The following ANXA11 variants were observed in gnomAD, a reference collection of about 807,000 sequenced individuals.
ANXA11 encodes annexin A11.
Under a neutral mutation model 64.7 loss-of-function variants are expected in ANXA11, and 57 were observed. The ratio of observed to expected loss-of-function variants is 0.88; its 90% CI spans 0.71 to 1.10. The LOEUF is 1.10. Ranked by LOEUF, ANXA11 falls within the 50% of genes least tolerant of loss-of-function variation. The pLI, the probability that ANXA11 is intolerant of heterozygous loss-of-function variation, is 0.00. For missense variants in ANXA11, 675 were observed against 670.7 expected, an observed-to-expected ratio of 1.01 and a Z score of -0.07; for synonymous variants, 260 against 265.2, an observed-to-expected ratio of 0.98 and a Z score of 0.19.
intron 1 of ANXA11, among the ~76,000 whole-genome samples, chr10:80,180,373 T>C (rs574634396): frequency 2.0e-5 from 3 of 152,182 alleles, no homozygotes; most frequent in Non-Finnish European, 4.4e-5. Flanking sequence ...GAGGGGTGGA[T>C]GGTGTCAGTG....
At chr10:80,177,874 C>A (rs950541994) in intron 1 of ANXA11, among the ~76,000 whole-genome samples, 3 of 152,184 alleles carry the variant, frequency 2.0e-5, no homozygotes. Flanking sequence ...CCAGCGCTGA[C>A]CAATCTCCCC....
rs1357003279 is a variant in ANXA11 at position 80,164,042 on chromosome 10, A to G, written c.949+11T>C. 2.2e-5 allele frequency: 35 copies of G among 1,611,734 alleles called. No individual in the cohort carries two copies. The highest frequency in any genetic ancestry group is 3.0e-5 in the Non-Finnish European group (35 of 1,178,112). On this transcript the variant is annotated intron_variant, in intron 9 of 15. Coordinates refer to ENST00000422982, the MANE Select transcript of ANXA11 (RefSeq NM_145868.2). ...AGGGCAGAGGGCAGAGGGCAGAGGG[A>G]GCGGCCTCACCTGCTTTGTAGGCTC...
At chr10:80,196,631 G>C (rs1190654428) in intron 1 of ANXA11, among the ~76,000 whole-genome samples, 1 of 152,156 alleles carries the variant, frequency 6.6e-6, no homozygotes, top group Non-Finnish European at 1.5e-5. Flanking sequence ...GCACTCCAGA[G>C]CCCCAATGTC....
At chr10:80,158,462 T>A (rs1845368154) in intron 13 of ANXA11, among the ~76,000 whole-genome samples, 1 of 152,026 alleles carries the variant, frequency 6.6e-6, no homozygotes, top group African/African-American at 2.4e-5. Context: ...AGACCTACTA[T>A]GGGGGACAGG....
intron 2 of ANXA11, chr10:80,173,157 C>T: frequency 4.7e-6 from 2 of 428,196 alleles, no homozygotes; most frequent in Non-Finnish European, 8.5e-6. Context: ...GAAAGGCCCT[C>T]TCACTGAAGC....
chr10:80,202,425 T>C (rs1840472724), intron 1 of ANXA11, among the ~76,000 whole-genome samples: 1 of 152,178 alleles, frequency 6.6e-6, no homozygotes, highest in Admixed American at 6.5e-5. Context: ...TTATAGGAGA[T>C]AGGGTCAGTA....
At chr10:80,169,797 G>T (rs1211689566) in intron 4 of ANXA11, among the ~76,000 whole-genome samples, 3 of 152,140 alleles carry the variant, frequency 2.0e-5, no homozygotes, top group African/African-American at 4.8e-5. Flanking sequence ...AAATCCTTAG[G>T]ATGGATAGCC....
intron 14 of ANXA11, 29 bp downstream of exon 14, chr10:80,157,938 A>C (rs1341711803): frequency 6.2e-7 from 1 of 1,611,492 alleles, no homozygotes; most frequent in Non-Finnish European, 8.5e-7. Context: ...CTAAGGTTCC[A>C]TCGCAACCTG....
intron 1 of ANXA11, among the ~76,000 whole-genome samples, chr10:80,176,791 G>A (rs11591611): frequency 0.2 from 30,216 of 152,072 alleles, 3,323 homozygotes; most frequent in Non-Finnish European, 0.25. Context: ...GTCAAAATCT[G>A]CCTCCTGGCT....
intron 12 of ANXA11, among the ~76,000 whole-genome samples, chr10:80,161,075 C>A (rs1338983018): frequency 6.6e-6 from 1 of 152,174 alleles, no homozygotes; most frequent in Non-Finnish European, 1.5e-5. Context: ...CTCGGCACCA[C>A]AGCCAGGGAT....
intron 3 of ANXA11, chr10:80,171,624 A>G (rs558512888): frequency 1.0e-6 from 1 of 985,432 alleles, no homozygotes; most frequent in South Asian, 4.7e-5. Context: ...TGCAGGGCTC[A>G]GCTGGGTGCC....
intron 1 of ANXA11, among the ~76,000 whole-genome samples, chr10:80,182,759 ACT>A (rs1344615534): frequency 2.6e-5 from 4 of 152,072 alleles, no homozygotes; most frequent in Non-Finnish European, 5.9e-5. Flanking sequence ...GCATCTGCAA[ACT>A]CTCTTCACTC....
intron 2 of ANXA11, among the ~76,000 whole-genome samples, chr10:80,174,815 C>G (rs182690786): frequency 3.8e-4 from 58 of 152,320 alleles, no homozygotes; most frequent in African/African-American, 1.3e-3. Flanking sequence ...CTGCGGCCTC[C>G]CACAGTGCTG....
intron 5 of ANXA11, among the ~76,000 whole-genome samples, chr10:80,168,739 T>G (rs1226058968): frequency 6.6e-6 from 1 of 152,046 alleles, no homozygotes; most frequent in Non-Finnish European, 1.5e-5. Context: ...GTTTCACCAT[T>G]TCGCCCAGGT....
intron 1 of ANXA11, among the ~76,000 whole-genome samples, chr10:80,180,615 T>G (rs983122090): frequency 6.6e-6 from 1 of 151,150 alleles, no homozygotes; most frequent in African/African-American, 2.4e-5. Flanking sequence ...TTCCCCAGTC[T>G]GGTGGCTGGA....
At chr10:80,201,266 C>T (rs1564630133) in intron 1 of ANXA11, among the ~76,000 whole-genome samples, 1 of 152,154 alleles carries the variant, frequency 6.6e-6, no homozygotes, top group Non-Finnish European at 1.5e-5. Flanking sequence ...CACCCTGGCC[C>T]CTGGGATACA....
intron 1 of ANXA11, 80 bp downstream of exon 1, chr10:80,205,263 C>T (rs1840622777): frequency 6.6e-6 from 1 of 151,786 alleles, no homozygotes. Flanking sequence ...GCCAGGCAGC[C>T]CCGGGCCTCA....
In ANXA11 at chr10:80,163,617, A is replaced by G. The variant is rs1233454212; in HGVS notation, c.950-4T>C. 6 of 1,551,900 alleles carry G rather than the reference A, an allele frequency of 3.9e-6. No homozygotes were observed. In the South Asian group the frequency reaches 7.1e-5, roughly 18 times the overall value. On this transcript the variant is annotated splice_polypyrimidine_tract_variant and splice_region_variant and intron_variant, in intron 9 of 15. Transcript: ENST00000422982. ...TCTTCCAGGGTCTTTTTGAATTCTG[A>G]AAGGGAGAAGCAAGGAAGGTCCATC...
At chr10:80,190,188 T>A (rs1846710333) in intron 1 of ANXA11, among the ~76,000 whole-genome samples, 1 of 152,240 alleles carries the variant, frequency 6.6e-6, no homozygotes, top group African/African-American at 2.4e-5. Context: ...AGATGCATCG[T>A]AATGACTGTT....
Sources: allele counts gnomAD v4.1 joint callset (sites outside exome capture counted in the v4.1 genomes callset), GRCh38; gene constraint gnomAD v4.1.1; transcripts MANE v1.5; gene names NCBI Gene and HGNC (gene_info 2026-07-23, HGNC 2026-07-21).